ABCA1: variants seen among roughly 807,000 people sequenced by gnomAD.
The protein encoded by ABCA1 is ATP binding cassette subfamily A member 1.
In ABCA1, 133 loss-of-function variants were observed where a neutral mutation model predicts 262.5. The ratio of observed to expected loss-of-function variants is 0.51; its 90% confidence interval spans 0.44 to 0.59. The LOEUF (loss-of-function observed/expected upper bound fraction) is 0.59, where lower values mean the gene tolerates loss of function less well. ABCA1 is among the 20% of genes least tolerant of loss of function. ABCA1 has a pLI of 0.00. For synonymous variants in ABCA1, 1,022 were observed against 1,043.5 expected (o/e 0.98, Z 0.40); for missense variants, 2,452 against 2,777.5 (o/e 0.88, Z 2.63).
intron 7 of ABCA1, among the ~76,000 whole-genome samples, chr9:104,849,216 A>T (rs774226766): frequency 4.6e-5 from 7 of 152,252 alleles, no homozygotes. Context: ...CAGGGCCTAA[A>T]GCATGACTGT....
Position 104,848,788 on chromosome 9 carries a change from G to A in ABCA1, c.721-3219C>T, listed in dbSNP as rs1325966027. 2.6e-5 allele frequency among the ~76,000 whole-genome samples: 4 copies of A among 152,114 alleles called. No individual in the cohort carries two copies. In the East Asian group the frequency reaches 5.8e-4, roughly 22 times the overall value. On this transcript the variant is annotated intron_variant, in intron 7 of 49. Transcript: ENST00000374736. ...ATGCTTTGCGCCAACGTGCTTGGTG[G>A]TATATTCTGTGTCTGGTCCGCATAC...
At chr9:104,926,066 G>A (rs1247603821) in intron 1 of ABCA1, among the ~76,000 whole-genome samples, 1 of 152,066 alleles carries the variant, frequency 6.6e-6, no homozygotes, top group Non-Finnish European at 1.5e-5. Flanking sequence ...TAACTTGGGG[G>A]AAATTTTTGT....
intron 1 of ABCA1, among the ~76,000 whole-genome samples, chr9:104,920,558 G>A (rs1000565356): frequency 6.6e-6 from 1 of 151,946 alleles, no homozygotes; most frequent in Non-Finnish European, 1.5e-5. Context: ...ATGGAGTCTC[G>A]CTCTGTGCAG....
rs376978734 is a variant in ABCA1, at chr9:104,785,890, G to C, written c.6402-251C>G. Among the ~76,000 whole-genome samples, 125 of 152,328 alleles carry C rather than the reference G, an allele frequency of 8.2e-4. 2 individuals carry two copies. In the South Asian group the frequency reaches 0.02, roughly 24 times the overall value. ...CCCATGAAGTCTGACAGATGTTACA[G>C]AGAAACTGAGGCCCAGGGAGTTAGT... On this transcript the variant is annotated intron_variant, in intron 48 of 49. Transcript: ENST00000374736.
Position 104,858,556 on chromosome 9 carries a change from A to C in ABCA1, c.686T>G (p.Leu229Arg). 6.2e-7 allele frequency: 1 copy of C among 1,614,134 alleles called. No homozygotes were observed. The highest frequency in any genetic ancestry group is 1.1e-5 in the South Asian group (1 of 91,080). The change falls in exon 7 of 50, where the codon CTT (leucine) becomes CGT (arginine). Residue 229 changes from leucine (L) to arginine (R), a missense_variant. Leu to Arg is a moderately radical substitution (Grantham distance 102). Coordinates refer to ENST00000374736, the MANE Select transcript of ABCA1 (RefSeq NM_005502.4). ...CTTCAGGATGTCCATGTTGGAACGA[A>C]GTACTCGCTCTGCTGCAGCCAGTTT... ...REKLAAAERV[L>R]RSNMDILKPI...
At chr9:104,834,432 C>G (rs139528462) in intron 11 of ABCA1, among the ~76,000 whole-genome samples, 1 of 149,368 alleles carries the variant, frequency 6.7e-6, no homozygotes, top group Non-Finnish European at 1.5e-5. Flanking sequence ...ATAACAGACA[C>G]AAAATTGTAC....
At chr9:104,864,979 C>T (rs567354406) in intron 5 of ABCA1, among the ~76,000 whole-genome samples, 1 of 152,306 alleles carries the variant, frequency 6.6e-6, no homozygotes, top group African/African-American at 2.4e-5. Flanking sequence ...CTTGGCTGTG[C>T]ACGTGCATGG....
At chr9:104,830,149 C>G (rs978070637) in intron 14 of ABCA1, among the ~76,000 whole-genome samples, 1 of 152,200 alleles carries the variant, frequency 6.6e-6, no homozygotes, top group Non-Finnish European at 1.5e-5. Context: ...AGCTTAGTGA[C>G]TCAGCACTGA....
At chr9:104,828,715 G>A (rs950429847) in intron 15 of ABCA1, among the ~76,000 whole-genome samples, 3 of 152,160 alleles carry the variant, frequency 2.0e-5, no homozygotes, top group Non-Finnish European at 4.4e-5. Flanking sequence ...GCTGCTACCC[G>A]GCTGGGTTGA....
At chr9:104,829,627 A>C (rs80246211) in intron 14 of ABCA1, among the ~76,000 whole-genome samples, 4,874 of 152,176 alleles carry the variant, frequency 0.032, 297 homozygotes, top group African/African-American at 0.11. Flanking sequence ...CAGATTTTGG[A>C]CCCTGAACTT....
At chr9:104,843,052 T>C (rs756001516) in intron 8 of ABCA1, among the ~76,000 whole-genome samples, 3 of 152,156 alleles carry the variant, frequency 2.0e-5, no homozygotes, top group Admixed American at 1.3e-4. Context: ...TATCATCTCC[T>C]TCAGGTCCAA....
chr9:104,926,854 A>AGAG (rs1826384365), intron 1 of ABCA1, among the ~76,000 whole-genome samples: 1 of 152,184 alleles, frequency 6.6e-6, no homozygotes, highest in Non-Finnish European at 1.5e-5. Flanking sequence ...GGAACGTGGG[A>AGAG]GAGGGAGGAT....
chr9:104,859,837 G>C lies in ABCA1; in HGVS notation c.544-1139C>G, dbSNP rs544679405. Among the ~76,000 whole-genome samples the C allele has an allele frequency of 1.2e-3, 188 of 152,202 alleles. 1 individual carries two copies. Among genetic ancestry groups the C allele is most frequent in the African/African-American group, 4.4e-3 (182 of 41,520 alleles). ...AGGCCAAGGCAGACGGATCACCTGA[G>C]GTCAGGAGTTCAAGACCAGTCTGGC... On this transcript the variant is annotated intron_variant, in intron 6 of 49. Transcript: ENST00000374736.
Position 104,822,608 on chromosome 9 carries a change from T to C in ABCA1, c.2716A>G (p.Lys906Glu), listed in dbSNP as rs1564132597. ...KLGVSIQNLV[K>E]VYRDGMKVAV... Reference sequence around the variant, plus strand: ...ACCTTCATCCCATCTCGGTAGACTTTTACCAGGTTCTGAATGGACACGCCC... The same window carrying C: ...ACCTTCATCCCATCTCGGTAGACTTCTACCAGGTTCTGAATGGACACGCCC... Residue 906 changes from lysine to glutamate, a missense_variant, in exon 19 of 50, where the codon AAA (lysine) becomes GAA (glutamate). Lys to Glu is a moderately conservative substitution (Grantham distance 56, BLOSUM62 1). Coordinates refer to ENST00000374736, the MANE Select transcript of ABCA1 (RefSeq NM_005502.4). 6.8e-6 allele frequency: 11 copies of C among 1,614,094 alleles called. No individual in the cohort carries two copies. Among genetic ancestry groups the C allele is most frequent in the Non-Finnish European group, 9.3e-6 (11 of 1,179,994 alleles).
At position 104,786,471 on chromosome 9, in the gene ABCA1, C is replaced by T. The variant is rs1047633451; in HGVS notation, c.6309-81G>A. ...AACATCACCATGACTTCCAGCATTC[C>T]AGCTTCCTAGGGAATTGTATTCTGT... On this transcript the variant is annotated intron_variant, in intron 47 of 49. Transcript: ENST00000374736. 116 of 1,229,276 alleles carry T rather than the reference C, an allele frequency of 9.4e-5. 2 individuals are homozygous for T. The highest frequency in any genetic ancestry group is 1.2e-4 in the Non-Finnish European group (98 of 833,132). 76.1% of individuals were successfully genotyped at this position (1,229,276 alleles called of 1,614,324 possible).
chr9:104,884,681 C>T (rs1418709362), intron 3 of ABCA1, 113 bp from the exon 4 acceptor site: 1 of 1,254,246 alleles, frequency 8.0e-7, no homozygotes, highest in Non-Finnish European at 1.2e-6. Flanking sequence ...CCATTCCCCA[C>T]ATCCCAGAGA....
chr9:104,848,616 G>GA (rs148335343), intron 7 of ABCA1, among the ~76,000 whole-genome samples: 5,035 of 128,288 alleles, frequency 0.039, 231 homozygotes, highest in African/African-American at 0.12. Flanking sequence ...CTCGGTCTCA[G>GA]AAAAAAAAAA....
intron 7 of ABCA1, among the ~76,000 whole-genome samples, chr9:104,850,389 T>G (rs1166308714): frequency 6.6e-6 from 1 of 152,228 alleles, no homozygotes; most frequent in Admixed American, 6.5e-5. Context: ...CCCAAAGTGC[T>G]GGGATTGCAG....
At chr9:104,862,707 A>AC (rs1836729023) in intron 5 of ABCA1, among the ~76,000 whole-genome samples, 1 of 1,972 alleles carries the variant, frequency 5.1e-4, no homozygotes. Context: ...GCCGGCCCCC[A>AC]CCCCCACCCC....
Sources: gnomAD v4.1 joint callset for allele counts (sites outside exome capture counted in the v4.1 genomes callset) on GRCh38, gnomAD v4.1.1 for gene constraint, MANE v1.5 for transcripts, NCBI Gene and HGNC (gene_info 2026-07-23, HGNC 2026-07-21) for gene names.